The following ADGRB3 variants were observed in gnomAD, a reference collection of about 807,000 sequenced individuals.
The protein encoded by ADGRB3 is adhesion G protein-coupled receptor B3, also known as brain-specific angiogenesis inhibitor 3.
Under a neutral mutation model 193.4 loss-of-function variants are expected in ADGRB3, and 37 were observed. The observed-to-expected ratio is 0.19, with a 90% CI of 0.15 to 0.25. The LOEUF is 0.25. Among genes scored for constraint, ADGRB3 ranks in the 10% least tolerant of loss-of-function variants. ADGRB3 has a pLI of 1.00. For synonymous variants in ADGRB3, 690 were observed against 644.2 expected (o/e 1.07, Z -1.08); for missense variants, 1,637 against 1,852.9 (o/e 0.88, Z 2.14).
chr6:69,267,736 A>T (rs1037439568), intron 20 of ADGRB3, among the ~76,000 whole-genome samples: 11 of 152,138 alleles, frequency 7.2e-5, no homozygotes, highest in Admixed American at 1.3e-4. Context: ...AGTTACCAGC[A>T]GAAGCTACTA....
At chr6:69,099,556 G>C (rs1020174120) in intron 17 of ADGRB3, among the ~76,000 whole-genome samples, 1 of 152,156 alleles carries the variant, frequency 6.6e-6, no homozygotes, top group Non-Finnish European at 1.5e-5. Flanking sequence ...GGAAGCCTTG[G>C]TCCTTTTCAA....
intron 3 of ADGRB3, among the ~76,000 whole-genome samples, chr6:68,864,634 G>A (rs946699173): frequency 6.6e-6 from 1 of 152,080 alleles, no homozygotes. Flanking sequence ...GTTATTTGGA[G>A]GTCTATGTTA....
chr6:69,190,794 A>G (rs1765170007), intron 17 of ADGRB3, among the ~76,000 whole-genome samples: 1 of 152,066 alleles, frequency 6.6e-6, no homozygotes, highest in South Asian at 2.1e-4. Context: ...TATCTTTTGT[A>G]CCATATTTTT....
Position 69,354,224 on chromosome 6 carries a change from TC to T in ADGRB3, c.3460-5del. 1 of 1,605,810 alleles carries T rather than the reference TC, an allele frequency of 6.2e-7. No individual in the cohort carries two copies. On this transcript the variant is annotated splice_region_variant and splice_polypyrimidine_tract_variant and intron_variant, in intron 26 of 31. Coordinates refer to ENST00000370598, the MANE Select transcript of ADGRB3 (RefSeq NM_001704.3). Reference sequence around the variant, plus strand: ...GAGAAGAAAATTAATGTGTTCCCCCTCCCCACAGGTTCAGGATGCATTTAGA... The same window carrying T: ...GAGAAGAAAATTAATGTGTTCCCCCTCCCACAGGTTCAGGATGCATTTAGA...
rs373203832 is a variant in ADGRB3 at position 69,361,527 on chromosome 6, A to G, written c.4239+15A>G. On this transcript the variant is annotated intron_variant, in intron 29 of 31. Transcript: ENST00000370598. ...GTTCTTTAGAGGTGAGCCACAGAAG[A>G]TTAAATTTTTCCTTGATAGTTGAAA... 104 of 1,597,656 alleles carry G rather than the reference A, an allele frequency of 6.5e-5. No individual in the cohort carries two copies. Among genetic ancestry groups the G allele is most frequent in the Non-Finnish European group, 7.8e-5 (91 of 1,171,402 alleles).
intron 17 of ADGRB3, among the ~76,000 whole-genome samples, chr6:69,084,798 G>A (rs1772498628): frequency 6.6e-6 from 1 of 152,010 alleles, no homozygotes; most frequent in African/African-American, 2.4e-5. Flanking sequence ...GCATAATATT[G>A]CCTATGGCAT....
intron 17 of ADGRB3, among the ~76,000 whole-genome samples, chr6:69,149,924 CTGTGTGTGTGTGTGTGTG>C (rs1167142377): frequency 3.5e-3 from 446 of 128,954 alleles, no homozygotes; most frequent in Middle Eastern, 0.012. Flanking sequence ...GTCTGTCTTT[CTGTGTGTGTGTGTGTGTG>C]TGTGTGTGTG....
In ADGRB3 at chr6:69,330,516, T is replaced by C. The variant is rs1768694074; in HGVS notation, c.3046T>C (p.Ser1016Pro). ...TAATGTCATTTTCAGCTGCTGGCTC[T>C]CTCTTGAAGGAGGACTACTCTATGC... ...GYGTDHYCWLSLEGGLLYAFV... is the reference protein window; with the variant it reads ...GYGTDHYCWLPLEGGLLYAFV... The change falls in exon 23 of 32, where the codon TCT becomes CCT. Residue 1016 changes from serine to proline, a missense_variant. Transcript: ENST00000370598. 1 of 1,604,540 alleles carries C rather than the reference T, an allele frequency of 6.2e-7. No individual in the cohort carries two copies.
intron 20 of ADGRB3, among the ~76,000 whole-genome samples, chr6:69,279,087 A>ATG (rs2127284184): frequency 1.7e-5 from 2 of 120,098 alleles, no homozygotes; most frequent in East Asian, 4.8e-4. Context: ...ATATATATAT[A>ATG]TATATATATA....
At chr6:69,229,942 T>C (rs1766097150) in intron 17 of ADGRB3, among the ~76,000 whole-genome samples, 1 of 152,172 alleles carries the variant, frequency 6.6e-6, no homozygotes, top group East Asian at 1.9e-4. Flanking sequence ...TTTGAATATG[T>C]ACTTTTGAAT....
intron 26 of ADGRB3, among the ~76,000 whole-genome samples, chr6:69,345,874 A>C (rs1769075287): frequency 6.6e-6 from 1 of 152,200 alleles, no homozygotes; most frequent in African/African-American, 2.4e-5. Flanking sequence ...TCAGCCCCAA[A>C]CCTTCTTCAG....
intron 29 of ADGRB3, among the ~76,000 whole-genome samples, chr6:69,366,819 C>A (rs1562000830): frequency 6.6e-6 from 1 of 152,120 alleles, no homozygotes; most frequent in Non-Finnish European, 1.5e-5. Flanking sequence ...TGGCTGTTGT[C>A]GTGCAGCTCT....
intron 10 of ADGRB3, among the ~76,000 whole-genome samples, chr6:68,981,298 G>A (rs1305486309): frequency 2.0e-5 from 3 of 151,634 alleles, no homozygotes; most frequent in Non-Finnish European, 3.0e-5. Context: ...CAGTTATGGA[G>A]TTTTTAACAT....
intron 11 of ADGRB3, among the ~76,000 whole-genome samples, chr6:69,006,540 C>T (rs1195207147): frequency 1.3e-5 from 2 of 150,376 alleles, no homozygotes; most frequent in East Asian, 3.9e-4. Context: ...GAGTCTCGCT[C>T]TGTCACCCAG....
chr6:68,783,656 A>G lies in ADGRB3; in HGVS notation c.757+144224A>G, dbSNP rs554256899. The stretch of plus-strand genomic sequence containing the variant: ...GGGAATTTTCATAAGAGAAAAGCCT[A>G]GGAAGACAATCAGAAGGCACATCAT... On this transcript the variant is annotated intron_variant, in intron 3 of 31. Coordinates refer to ENST00000370598, the MANE Select transcript of ADGRB3 (RefSeq NM_001704.3). Among the ~76,000 whole-genome samples the G allele has an allele frequency of 3.0e-4, 46 of 152,064 alleles. No homozygotes were observed. The South Asian group carries it at 9.5e-3, about 32-fold the overall frequency.
chr6:69,191,327 T>C (rs934934631), intron 17 of ADGRB3, among the ~76,000 whole-genome samples: 6 of 152,162 alleles, frequency 3.9e-5, no homozygotes, highest in African/African-American at 1.4e-4. Context: ...AAGGATTTAT[T>C]TCTAGTTGAA....
intron 3 of ADGRB3, among the ~76,000 whole-genome samples, chr6:68,715,764 A>G (rs1353786217): frequency 1.3e-5 from 2 of 151,818 alleles, no homozygotes; most frequent in African/African-American, 4.8e-5. Context: ...TGTGTCTATT[A>G]GGGTTCCATC....
chr6:69,013,828 CTG>C (rs1770011956), intron 11 of ADGRB3, among the ~76,000 whole-genome samples: 1 of 152,010 alleles, frequency 6.6e-6, no homozygotes, highest in South Asian at 2.1e-4. Context: ...CTGACCTCCT[CTG>C]AGAGTACAAA....
intron 17 of ADGRB3, among the ~76,000 whole-genome samples, chr6:69,220,580 A>G (rs1256217050): frequency 6.6e-6 from 1 of 152,096 alleles, no homozygotes; most frequent in East Asian, 1.9e-4. Flanking sequence ...GTTATTTAAA[A>G]TCTCACTAAG....
Sources: gnomAD v4.1 joint callset for allele counts (sites outside exome capture counted in the v4.1 genomes callset) on GRCh38, gnomAD v4.1.1 for gene constraint, MANE v1.5 for transcripts, NCBI Gene and HGNC (gene_info 2026-07-23, HGNC 2026-07-21) for gene names.